The following ZDHHC19 variants were observed in gnomAD, a reference collection of about 807,000 sequenced individuals.
The protein encoded by ZDHHC19 is zDHHC palmitoyltransferase 19.
Under a neutral mutation model 33.9 loss-of-function variants are expected in ZDHHC19, and 30 were observed. The ratio of observed to expected loss-of-function variants is 0.88; its 90% CI spans 0.66 to 1.20. ZDHHC19 has a LOEUF of 1.20. ZDHHC19 is among the 50% of genes most tolerant of loss of function. The pLI is 0.00. For missense variants in ZDHHC19, 364 were observed against 401.1 expected (o/e 0.91, Z 0.79); for synonymous variants, 178 against 167.6 (o/e 1.06, Z -0.48).
intron 5 of ZDHHC19, 102 bp from the exon 6 acceptor site, chr3:196,198,976 GC>G: frequency 8.3e-7 from 1 of 1,205,772 alleles, no homozygotes; most frequent in Non-Finnish European, 1.2e-6. Context: ...CCAGGGCTCA[GC>G]CCAGGGCACC....
In ZDHHC19 at chr3:196,210,754, G is replaced by T; in HGVS notation, c.147-17C>A. The T allele has an allele frequency of 6.2e-7, 1 of 1,611,340 alleles. No homozygotes were observed. The highest frequency in any genetic ancestry group is 8.5e-7 in the Non-Finnish European group (1 of 1,178,728). On this transcript the variant is annotated splice_polypyrimidine_tract_variant and intron_variant, in intron 1 of 7. Coordinates refer to ENST00000296326, the MANE Select transcript of ZDHHC19 (RefSeq NM_001039617.2). ...CACCTGCAACTGAGACCAGAGGCAGGCTCGGTCCTGAGCAGGGGCAGCCCA... is the reference window on the plus strand; with the variant it reads ...CACCTGCAACTGAGACCAGAGGCAGTCTCGGTCCTGAGCAGGGGCAGCCCA...
At position 196,210,602 on chromosome 3, in the gene ZDHHC19, G is replaced by T. The variant is rs1441811915; in HGVS notation, c.268+14C>A. ...TGAGTGACACCTCCTTTTCCCAGGG[G>T]GCTGATGCCTCACCTTGATGTAAGA... is the stretch of plus-strand genomic sequence containing the variant. On this transcript the variant is annotated intron_variant, in intron 2 of 7. Coordinates refer to ENST00000296326, the MANE Select transcript of ZDHHC19 (RefSeq NM_001039617.2). 1.2e-6 allele frequency: 2 copies of T among 1,613,786 alleles called. No homozygotes were observed. Among genetic ancestry groups the T allele is most frequent in the Non-Finnish European group, 1.7e-6 (2 of 1,179,904 alleles).
chr3:196,209,632 C>T, intron 2 of ZDHHC19, 117 bp from the exon 3 acceptor site: 1 of 1,371,330 alleles, frequency 7.3e-7, no homozygotes, highest in Middle Eastern at 2.6e-4. Flanking sequence ...GCAGGGGAAC[C>T]CCTGTCCCCA....
Position 196,203,333 on chromosome 3 carries a change from G to T in ZDHHC19, c.687+4065C>A, listed in dbSNP as rs1426155975. Reference sequence around the variant, plus strand: ...GTAGCGACATCTAGAGCACTCACTTGTACCAGCTGCTACTCTATGTCTTAA... The same window carrying T: ...GTAGCGACATCTAGAGCACTCACTTTTACCAGCTGCTACTCTATGTCTTAA... On this transcript the variant is annotated intron_variant, in intron 5 of 7. Transcript: ENST00000296326. The surrounding 1 kb of genome is among the most constrained non-coding windows in gnomAD (Gnocchi z 4.3). Among the ~76,000 whole-genome samples, 2 of 152,188 alleles carry T rather than the reference G, an allele frequency of 1.3e-5. No individual in the cohort carries two copies. The highest frequency in any genetic ancestry group is 4.8e-5 in the African/African-American group (2 of 41,446).
chr3:196,200,594 T>C (rs965615031), intron 5 of ZDHHC19, among the ~76,000 whole-genome samples: 15 of 150,318 alleles, frequency 1.0e-4, no homozygotes, highest in Admixed American at 1.3e-4. Context: ...GACCTCGTGA[T>C]CCGCCCACCT....
At chr3:196,201,968 AT>A (rs1722386899) in intron 5 of ZDHHC19, among the ~76,000 whole-genome samples, 1 of 151,970 alleles carries the variant, frequency 6.6e-6, no homozygotes, top group Admixed American at 6.6e-5. Flanking sequence ...CCAAAGTGCT[AT>A]GGATTCCTTT....
chr3:196,201,683 T>C (rs189629764), intron 5 of ZDHHC19, among the ~76,000 whole-genome samples: 120 of 151,996 alleles, frequency 7.9e-4, no homozygotes, highest in African/African-American at 2.8e-3. Flanking sequence ...ATAGCACCAC[T>C]GCACTCCAGC....
intron 5 of ZDHHC19, chr3:196,199,230 A>C: frequency 7.6e-6 from 2 of 261,612 alleles, no homozygotes; most frequent in Non-Finnish European, 7.6e-6. Flanking sequence ...TCCCCTGGGC[A>C]CTCTTGACCT....
chr3:196,209,308 A>G, intron 3 of ZDHHC19, 68 bp downstream of exon 3: 3 of 1,524,684 alleles, frequency 2.0e-6, no homozygotes, highest in South Asian at 1.3e-5. Flanking sequence ...TGGCCCCTGT[A>G]TGAGGGAGGC....
At position 196,210,632 on chromosome 3, in the gene ZDHHC19, A is replaced by G; in HGVS notation, c.252T>C (p.Pro84=). The G allele has an allele frequency of 6.2e-7, 1 of 1,614,074 alleles. No homozygotes were observed. Among genetic ancestry groups the G allele is most frequent in the Non-Finnish European group, 8.5e-7 (1 of 1,179,972 alleles). Residue 84 remains proline (P), a synonymous_variant, in exon 2 of 8, where the codon CCT becomes CCC. Transcript: ENST00000296326. ...ATGCCTCACCTTGATGTAAGATGCCAGGGTCTGAGAAGTTGAGTGAAACAA... is the reference window on the plus strand; with the variant it reads ...ATGCCTCACCTTGATGTAAGATGCCGGGGTCTGAGAAGTTGAGTGAAACAA... The part of the protein sequence containing the change: ...FSLVSLNFSD[P]GILHQGSAEQ...
At position 196,211,285 on chromosome 3, in the gene ZDHHC19, C is replaced by T. The variant is rs1180306929; in HGVS notation, c.31G>A (p.Val11Met). MTLLTDATPL[V>M]KEPHPLPLVP... ...AGAGGCAGGGGATGGGGCTCCTTCA[C>T]CAGCGGCGTGGCATCCGTTAAGAGT... Residue 11 changes from valine (V) to methionine (M), a missense_variant, in exon 1 of 8, where the codon GTG becomes ATG. By Grantham distance (21) the Val-to-Met change is conservative. Transcript: ENST00000296326. 3 of 1,613,892 alleles carry T rather than the reference C, an allele frequency of 1.9e-6. No individual in the cohort carries two copies. The highest frequency in any genetic ancestry group is 1.1e-5 in the South Asian group (1 of 91,060).
At chr3:196,211,071 T>TC (rs1210886097) in intron 1 of ZDHHC19, 99 bp downstream of exon 1, 2 of 1,576,002 alleles carry the variant, frequency 1.3e-6, no homozygotes, top group African/African-American at 2.7e-5. Flanking sequence ...CCCTGACCTC[T>TC]CCCCCGGTCT....
In ZDHHC19 at chr3:196,198,769, C is replaced by T. The variant is rs371886004; in HGVS notation, c.773+20G>A. The stretch of plus-strand genomic sequence containing the variant: ...CCACCCCCAGGGTTCACCAGTTGGG[C>T]CTCTGGCTTGCCAACTCACTTGGGT... On this transcript the variant is annotated intron_variant, in intron 6 of 7. Transcript: ENST00000296326. The T allele has an allele frequency of 2.8e-5, 45 of 1,613,254 alleles. No individual in the cohort carries two copies. The highest frequency in any genetic ancestry group is 3.7e-5 in the Non-Finnish European group (44 of 1,179,454).
In ZDHHC19 at chr3:196,207,275, G is replaced by A. The variant is rs1722811727; in HGVS notation, c.687+123C>T. The A allele has an allele frequency of 3.1e-5, 25 of 804,286 alleles. No homozygotes were observed. In the Admixed American group the frequency reaches 5.0e-4, roughly 16 times the overall value. 49.8% of individuals were successfully genotyped at this position (804,286 alleles called of 1,614,324 possible). On this transcript the variant is annotated intron_variant, in intron 5 of 7. Coordinates refer to ENST00000296326, the MANE Select transcript of ZDHHC19 (RefSeq NM_001039617.2). ...TGGAGCCTCTTAAGAGCTGGGTCTG[G>A]AGGGACCTAACGAGGCACCATCGCG...
At chr3:196,210,421 G>GGAAA (rs149833656) in intron 2 of ZDHHC19, among the ~76,000 whole-genome samples, 195 bp downstream of exon 2, 43,608 of 132,582 alleles carry the variant, frequency 0.33, 8,499 homozygotes, top group African/African-American at 0.43. Context: ...GAGGAAGGAA[G>GGAAA]GAAAGAAAGA....
chr3:196,209,058 A>G (rs747306336), intron 3 of ZDHHC19: 61 of 339,852 alleles, frequency 1.8e-4, no homozygotes, highest in Non-Finnish European at 3.0e-4. Flanking sequence ...AGCCAGCCTG[A>G]GGGGCTTGGG....
intron 5 of ZDHHC19, among the ~76,000 whole-genome samples, chr3:196,200,512 G>T (rs563816285): frequency 6.7e-6 from 1 of 149,768 alleles, no homozygotes; most frequent in Non-Finnish European, 1.5e-5. Context: ...TCGCCACCAC[G>T]CCCAGCTAAT....
At chr3:196,209,862 T>C (rs1366475927) in intron 2 of ZDHHC19, among the ~76,000 whole-genome samples, 2 of 152,192 alleles carry the variant, frequency 1.3e-5, no homozygotes, top group African/African-American at 4.8e-5. Flanking sequence ...CTGGGAAACC[T>C]CAACAATTCT....
Position 196,211,207 on chromosome 3 carries a change from G to T in ZDHHC19, c.109C>A (p.Leu37Met), listed in dbSNP as rs747956700. The change falls in exon 1 of 8, where the codon CTG becomes ATG. Residue 37 changes from leucine (L) to methionine (M), a missense_variant. Coordinates refer to ENST00000296326, the MANE Select transcript of ZDHHC19 (RefSeq NM_001039617.2). ...PSLFAAFNVV[L>M]LVFFSGLFFA... ...AAGAGGCCACTGAAAAAGACCAGCA[G>T]CACCACATTGAAGGCAGCAAAGAGG... 6.2e-7 allele frequency: 1 copy of T among 1,614,198 alleles called. No homozygotes were observed. The highest frequency in any genetic ancestry group is 1.7e-5 in the Admixed American group (1 of 60,026).
Sources: allele counts gnomAD v4.1 joint callset (sites outside exome capture counted in the v4.1 genomes callset), GRCh38; gene constraint gnomAD v4.1.1; non-coding constraint Gnocchi (gnomAD v3.1); transcripts MANE v1.5; gene names NCBI Gene and HGNC (gene_info 2026-07-23, HGNC 2026-07-21).